ERC2: variants seen among roughly 807,000 people sequenced by gnomAD.
ERC2 encodes the protein ERC protein 2.
A neutral mutation model predicts 114.8 loss-of-function variants in ERC2; 42 were observed. The observed-to-expected ratio is 0.37, with a 90% CI of 0.29 to 0.47. ERC2 has a LOEUF of 0.47. Among genes scored for constraint, ERC2 ranks in the 20% least tolerant of loss-of-function variants. ERC2 has a pLI of 0.99. For missense variants in ERC2, 939 were observed against 1,150.7 expected, an observed-to-expected ratio of 0.82 and a Z score of 2.66; for synonymous variants, 454 against 425.5, an observed-to-expected ratio of 1.07 and a Z score of -0.82.
At chr3:56,346,792 C>T (rs1221195051) in intron 2 of ERC2, among the ~76,000 whole-genome samples, 4 of 152,234 alleles carry the variant, frequency 2.6e-5, no homozygotes, top group South Asian at 4.1e-4. Flanking sequence ...GAGACTGGGA[C>T]GTCCAATATG....
intron 3 of ERC2, among the ~76,000 whole-genome samples, chr3:56,244,951 T>C (rs2051580917): frequency 6.6e-6 from 1 of 152,194 alleles, no homozygotes; most frequent in African/African-American, 2.4e-5. Flanking sequence ...TGTTTACAGA[T>C]ACCATTGTGT....
chr3:56,392,374 A>G (rs2060159250), intron 2 of ERC2, among the ~76,000 whole-genome samples: 1 of 152,182 alleles, frequency 6.6e-6, no homozygotes, highest in African/African-American at 2.4e-5. Context: ...GGTATTTGCT[A>G]CCACCAAAAG....
chr3:56,045,053 T>G (rs1576689659), intron 7 of ERC2, among the ~76,000 whole-genome samples: 1 of 152,196 alleles, frequency 6.6e-6, no homozygotes, highest in Non-Finnish European at 1.5e-5. Flanking sequence ...GAACGTATTT[T>G]ATGGTAGATT....
At chr3:56,146,633 C>T (rs1396068755) in intron 5 of ERC2, among the ~76,000 whole-genome samples, 1 of 152,158 alleles carries the variant, frequency 6.6e-6, no homozygotes, top group South Asian at 2.1e-4. Context: ...ACTTTAACTA[C>T]ACTATTGCAT....
At chr3:55,941,253 G>A (rs2066767586) in intron 13 of ERC2, among the ~76,000 whole-genome samples, 1 of 152,070 alleles carries the variant, frequency 6.6e-6, no homozygotes, top group Non-Finnish European at 1.5e-5. Context: ...TCAATGAAGA[G>A]GGTGCAACAG....
chr3:56,112,417 G>A (rs1171214802), intron 6 of ERC2, among the ~76,000 whole-genome samples: 1 of 130,924 alleles, frequency 7.6e-6, no homozygotes, highest in Non-Finnish European at 1.6e-5. Flanking sequence ...AACCTTGAGT[G>A]AGAAAAGACA....
At chr3:55,672,228 C>T (rs2061590076) in intron 17 of ERC2, among the ~76,000 whole-genome samples, 3 of 151,056 alleles carry the variant, frequency 2.0e-5, no homozygotes, top group Non-Finnish European at 4.4e-5. Flanking sequence ...CTCCTAGCTA[C>T]ATGGGAGGCT....
intron 17 of ERC2, among the ~76,000 whole-genome samples, chr3:55,640,745 C>A (rs1023602117): frequency 1.3e-5 from 2 of 152,192 alleles, no homozygotes; most frequent in Admixed American, 1.3e-4. Context: ...TCAGCTACCC[C>A]TCTAGCCCTT....
chr3:56,076,410 A>C (rs2149744484), intron 7 of ERC2, among the ~76,000 whole-genome samples: 1 of 148,064 alleles, frequency 6.8e-6, no homozygotes, highest in African/African-American at 2.6e-5. Context: ...CACTTTCCAA[A>C]TGTACAATGT....
At chr3:56,214,968 G>T (rs958875184) in intron 3 of ERC2, among the ~76,000 whole-genome samples, 1 of 152,164 alleles carries the variant, frequency 6.6e-6, no homozygotes. Flanking sequence ...CACCATGCCT[G>T]CCCTAAAAGA....
chr3:55,538,837 T>G (rs1022651285), intron 17 of ERC2, among the ~76,000 whole-genome samples: 2 of 152,204 alleles, frequency 1.3e-5, no homozygotes, highest in South Asian at 2.1e-4. Context: ...CTATTAATAT[T>G]TTGTCCTACC....
chr3:55,752,330 G>C (rs1463522596), intron 14 of ERC2, among the ~76,000 whole-genome samples: 3 of 152,206 alleles, frequency 2.0e-5, no homozygotes, highest in African/African-American at 7.2e-5. Flanking sequence ...TAGCTAGCGA[G>C]AGTCAATTAT....
Position 56,011,047 on chromosome 3 carries a change from C to T in ERC2, c.1780-458G>A, listed in dbSNP as rs542763280. ...TTCATTGGTTTCTGAAGACTGTTCT[C>T]TGGCTAGATGGGAATGAAGTGGGGC... On this transcript the variant is annotated intron_variant, in intron 8 of 17. Coordinates refer to ENST00000288221, the MANE Select transcript of ERC2 (RefSeq NM_015576.3). Among the ~76,000 whole-genome samples the T allele has an allele frequency of 4.5e-4, 69 of 152,332 alleles. No individual in the cohort carries two copies. In the South Asian group the frequency reaches 9.7e-3, roughly 21 times the overall value.
At chr3:56,233,515 G>A (rs997767334) in intron 3 of ERC2, among the ~76,000 whole-genome samples, 1 of 151,844 alleles carries the variant, frequency 6.6e-6, no homozygotes, top group African/African-American at 2.4e-5. Context: ...GTGGTGGCAG[G>A]TGCCTATAAT....
chr3:55,746,221 A>AT (rs1160355535), intron 14 of ERC2, among the ~76,000 whole-genome samples: 11 of 152,056 alleles, frequency 7.2e-5, no homozygotes, highest in African/African-American at 2.7e-4. Context: ...ATAAAATTGA[A>AT]TTAAGGTTCT....
chr3:55,800,284 C>T (rs995759156), intron 14 of ERC2, among the ~76,000 whole-genome samples: 1 of 152,080 alleles, frequency 6.6e-6, no homozygotes, highest in African/African-American at 2.4e-5. Context: ...GCTGGGATTA[C>T]AGGCACGTGC....
At chr3:56,312,373 T>C (rs1295403108) in intron 2 of ERC2, among the ~76,000 whole-genome samples, 5 of 152,148 alleles carry the variant, frequency 3.3e-5, no homozygotes, top group African/African-American at 1.2e-4. Context: ...GGTACAAACA[T>C]GTAGTTAGAA....
At chr3:56,337,793 G>C (rs952966641) in intron 2 of ERC2, among the ~76,000 whole-genome samples, 1 of 152,184 alleles carries the variant, frequency 6.6e-6, no homozygotes, top group Non-Finnish European at 1.5e-5. Flanking sequence ...AGAGACAAGA[G>C]CTGGAAAGCT....
At chr3:55,796,993 G>A (rs1037267252) in intron 14 of ERC2, among the ~76,000 whole-genome samples, 2 of 152,088 alleles carry the variant, frequency 1.3e-5, no homozygotes, top group African/African-American at 2.4e-5. Context: ...TTGAGAAATG[G>A]TGTAAATGAA....
Sources: gnomAD v4.1 joint callset for allele counts (sites outside exome capture counted in the v4.1 genomes callset) on GRCh38, gnomAD v4.1.1 for gene constraint, MANE v1.5 for transcripts, NCBI Gene and HGNC (gene_info 2026-07-23, HGNC 2026-07-21) for gene names.